TXNL1: variants seen among roughly 807,000 people sequenced by gnomAD.
The protein encoded by TXNL1 is thioredoxin like 1.
Under a neutral mutation model 35.5 loss-of-function variants are expected in TXNL1, and 14 were observed. That is an observed-to-expected ratio of 0.39 (90% CI 0.26 to 0.62). The LOEUF is 0.62. Ranked by LOEUF, TXNL1 falls within the 20% of genes least tolerant of loss-of-function variation. The pLI, the probability that TXNL1 is intolerant of heterozygous loss-of-function variation, is 0.47. For synonymous variants in TXNL1, 110 were observed against 115.5 expected (o/e 0.95, Z 0.31); for missense variants, 263 against 349.7 (o/e 0.75, Z 1.98).
At chr18:56,603,805 C>T (rs2023845836) in intron 7 of TXNL1, among the ~76,000 whole-genome samples, 1 of 152,128 alleles carries the variant, frequency 6.6e-6, no homozygotes, top group African/African-American at 2.4e-5. Context: ...TACAGTTTAT[C>T]ATTAGATAAT....
rs1324009076 is a variant in TXNL1 at position 56,636,223 on chromosome 18, T to TA, written c.98+2119dup. ...CTGAGAGTGCATAAAGCATAGAGGTTAAAAAAAAAGAAAAAAGGTTTAAAA... is the reference window on the plus strand; with the variant it reads ...CTGAGAGTGCATAAAGCATAGAGGTTAAAAAAAAAAGAAAAAAGGTTTAAAA... On this transcript the variant is annotated intron_variant, in intron 1 of 7. Transcript: ENST00000217515. Among the ~76,000 whole-genome samples, 22 of 150,980 alleles carry TA rather than the reference T, an allele frequency of 1.5e-4. No homozygotes were observed. The South Asian group carries it at 1.9e-3, about 13-fold the overall frequency.
At chr18:56,620,947 ACAGAG>A (rs2024170193) in intron 3 of TXNL1, among the ~76,000 whole-genome samples, 1 of 152,238 alleles carries the variant, frequency 6.6e-6, no homozygotes, top group South Asian at 2.1e-4. Context: ...AAAAAGGGCT[ACAGAG>A]CAAAGTTTTA....
intron 1 of TXNL1, among the ~76,000 whole-genome samples, 186 bp downstream of exon 1, chr18:56,638,157 G>T (rs1195414846): frequency 6.6e-6 from 1 of 152,148 alleles, no homozygotes; most frequent in African/African-American, 2.4e-5. Flanking sequence ...AGCCCGTCTA[G>T]GAACCCCTGT....
chr18:56,628,311 G>A (rs1389548638), intron 1 of TXNL1, among the ~76,000 whole-genome samples: 3 of 152,092 alleles, frequency 2.0e-5, no homozygotes, highest in Non-Finnish European at 4.4e-5. Flanking sequence ...AAACCAAACT[G>A]CTAAAATACA....
At chr18:56,627,325 A>G (rs1436315150) in intron 1 of TXNL1, among the ~76,000 whole-genome samples, 1 of 152,144 alleles carries the variant, frequency 6.6e-6, no homozygotes, top group Admixed American at 6.5e-5. Context: ...CAAGATACCA[A>G]TTTTACTCAA....
intron 5 of TXNL1, among the ~76,000 whole-genome samples, chr18:56,615,270 T>C (rs2024065471): frequency 6.6e-6 from 1 of 152,022 alleles, no homozygotes; most frequent in South Asian, 2.1e-4. Flanking sequence ...ACAAATACTT[T>C]GTAATTTCAG....
At chr18:56,604,775 C>T (rs557030530) in intron 7 of TXNL1, among the ~76,000 whole-genome samples, 3 of 152,112 alleles carry the variant, frequency 2.0e-5, no homozygotes, top group Admixed American at 1.3e-4. Context: ...AACATTCCAA[C>T]GAGGAAAAGA....
chr18:56,610,954 T>G (rs1438121708), intron 7 of TXNL1, 39 bp downstream of exon 7: 1 of 1,300,442 alleles, frequency 7.7e-7, no homozygotes, highest in Non-Finnish European at 1.1e-6. Flanking sequence ...ATTAAAATTA[T>G]ATTTTTACTA....
At chr18:56,618,709 T>A (rs1268237069) in intron 3 of TXNL1, among the ~76,000 whole-genome samples, 1 of 152,036 alleles carries the variant, frequency 6.6e-6, no homozygotes, top group Admixed American at 6.6e-5. Flanking sequence ...AAAAGCATCT[T>A]TTCATTTCAT....
intron 7 of TXNL1, among the ~76,000 whole-genome samples, chr18:56,605,524 TTC>T (rs10591062): frequency 0.61 from 92,840 of 151,864 alleles, 33,075 homozygotes; most frequent in Non-Finnish European, 0.78. Flanking sequence ...CCCTATAATT[TTC>T]TCATTTTTGT....
At chr18:56,626,262 AAGT>A in intron 2 of TXNL1, 96 bp downstream of exon 2, 1 of 1,499,490 alleles carries the variant, frequency 6.7e-7, no homozygotes, top group Non-Finnish European at 8.9e-7. Flanking sequence ...TCAAAGGAAT[AAGT>A]ACTATGTGCA....
At chr18:56,617,205 C>G (rs1470061178) in intron 4 of TXNL1, among the ~76,000 whole-genome samples, 3 of 152,136 alleles carry the variant, frequency 2.0e-5, no homozygotes, top group Non-Finnish European at 4.4e-5. Flanking sequence ...AAGAAAATAA[C>G]TAGGCTATTT....
chr18:56,634,778 A>G (rs2024430029), intron 1 of TXNL1, among the ~76,000 whole-genome samples: 1 of 152,246 alleles, frequency 6.6e-6, no homozygotes, highest in Non-Finnish European at 1.5e-5. Context: ...ATATGACACC[A>G]AAAGCACAGG....
At chr18:56,616,425 A>G (rs1257779203) in intron 4 of TXNL1, 111 bp from the exon 5 acceptor site, 1 of 951,140 alleles carries the variant, frequency 1.1e-6, no homozygotes, top group Non-Finnish European at 1.6e-6. Flanking sequence ...AACCTAATTC[A>G]TCGAACAAAA....
At chr18:56,603,368 A>G (rs1017360988) in intron 7 of TXNL1, among the ~76,000 whole-genome samples, 12 of 152,040 alleles carry the variant, frequency 7.9e-5, no homozygotes, top group African/African-American at 2.7e-4. Context: ...TATATGAGTA[A>G]AACATATTTG....
At position 56,616,258 on chromosome 18, in the gene TXNL1, T is replaced by G. The variant is rs1399057096; in HGVS notation, c.549A>C (p.Gln183His). 1.2e-6 allele frequency: 2 copies of G among 1,613,536 alleles called. No homozygotes were observed. Among genetic ancestry groups the G allele is most frequent in the South Asian group, 1.1e-5 (1 of 91,070 alleles). ...TCCTTTACTCACCATTATCTGGCCC[T>G]TGAAATTTCATGGAATAAAGCTTAA... ...QPVKLYSMKF[Q>H]GPDNGQGPKY... The change falls in exon 5 of 8, where the codon CAA becomes CAC. Residue 183 changes from glutamine to histidine, a missense_variant. Coordinates refer to ENST00000217515, the MANE Select transcript of TXNL1 (RefSeq NM_004786.3).
intron 4 of TXNL1, among the ~76,000 whole-genome samples, chr18:56,617,536 G>T (rs1255419100): frequency 2.0e-5 from 3 of 152,248 alleles, no homozygotes; most frequent in Non-Finnish European, 4.4e-5. Context: ...TAAAAAGCTT[G>T]ATCAAGGTGG....
intron 1 of TXNL1, among the ~76,000 whole-genome samples, chr18:56,630,643 T>C (rs899796463): frequency 1.3e-5 from 2 of 152,230 alleles, no homozygotes; most frequent in Non-Finnish European, 2.9e-5. Context: ...ATTTACGAGC[T>C]AACTGGTGTT....
intron 7 of TXNL1, among the ~76,000 whole-genome samples, chr18:56,603,541 T>C (rs1224077014): frequency 1.3e-5 from 2 of 152,074 alleles, no homozygotes; most frequent in Non-Finnish European, 2.9e-5. Context: ...AAGTGACTAA[T>C]TTTTTCTGGT....
Sources: gnomAD v4.1 joint callset for allele counts (sites outside exome capture counted in the v4.1 genomes callset) on GRCh38, gnomAD v4.1.1 for gene constraint, MANE v1.5 for transcripts, NCBI Gene and HGNC (gene_info 2026-07-23, HGNC 2026-07-21) for gene names.